The following CLIP4 variants were observed in gnomAD, a reference collection of about 807,000 sequenced individuals.
CLIP4 encodes the protein CAP-Gly domain containing linker protein family member 4.
In CLIP4, 47 loss-of-function variants were observed where a neutral mutation model predicts 73.1. The observed-to-expected ratio is 0.64, with a 90% confidence interval of 0.51 to 0.82. The LOEUF (loss-of-function observed/expected upper bound fraction) is 0.82, where lower values mean the gene tolerates loss of function less well. CLIP4 is among the 40% of genes least tolerant of loss of function. The pLI is 0.00. For missense variants in CLIP4, 874 were observed against 852.9 expected, an observed-to-expected ratio of 1.02 and a Z score of -0.31; for synonymous variants, 306 against 295.4, an observed-to-expected ratio of 1.04 and a Z score of -0.37.
chr2:29,114,689 T>C (rs1558508815), upstream of CLIP4, among the ~76,000 whole-genome samples: 1 of 152,202 alleles, frequency 6.6e-6, no homozygotes, highest in African/African-American at 2.4e-5. Context: ...GCAGAGACAC[T>C]GACAGACGTT....
upstream of CLIP4, among the ~76,000 whole-genome samples, chr2:29,110,578 TA>T (rs1236512913): frequency 6.6e-6 from 1 of 152,226 alleles, no homozygotes; most frequent in African/African-American, 2.4e-5. Context: ...CTATTTGTGA[TA>T]TGTAATGTAT....
At chr2:29,144,139 ACTT>A (rs1471667135) in intron 7 of CLIP4, among the ~76,000 whole-genome samples, 194 bp downstream of exon 7, 1 of 152,244 alleles carries the variant, frequency 6.6e-6, no homozygotes, top group Non-Finnish European at 1.5e-5. Flanking sequence ...AACTACTTGA[ACTT>A]AATAAAGAAG....
At chr2:29,167,763 C>T (rs1667722964) in intron 14 of CLIP4, 2 of 377,858 alleles carry the variant, frequency 5.3e-6, no homozygotes, top group Non-Finnish European at 9.4e-6. Flanking sequence ...CTGCCTTGCT[C>T]TTCATATACC....
intron 4 of CLIP4, among the ~76,000 whole-genome samples, chr2:29,132,820 A>G (rs1475626648): frequency 2.6e-5 from 4 of 152,214 alleles, no homozygotes; most frequent in African/African-American, 9.7e-5. Context: ...ATACTTTCAC[A>G]AAATAAAATA....
chr2:29,158,353 A>T (rs1442021722), intron 11 of CLIP4, among the ~76,000 whole-genome samples: 3 of 137,286 alleles, frequency 2.2e-5, no homozygotes, highest in African/African-American at 7.8e-5. Flanking sequence ...TAAAATTTAT[A>T]CATGGGTATG....
intron 4 of CLIP4, 138 bp from the exon 5 acceptor site, chr2:29,133,517 A>G (rs1050656117): frequency 3.2e-5 from 21 of 662,976 alleles, no homozygotes; most frequent in East Asian, 2.6e-4. Context: ...CTTAGGATCA[A>G]TTCTTGCAAG....
At chr2:29,171,687 A>G (rs1334883567) in intron 14 of CLIP4, among the ~76,000 whole-genome samples, 2 of 151,484 alleles carry the variant, frequency 1.3e-5, no homozygotes, top group African/African-American at 4.9e-5. Flanking sequence ...CCCGGCTAAT[A>G]TTTTGTATTT....
rs1558531281 is a variant in CLIP4 at position 29,133,831 on chromosome 2, A to G, written c.529+15A>G. 6.3e-7 allele frequency: 1 copy of G among 1,586,964 alleles called. No homozygotes were observed. On this transcript the variant is annotated intron_variant, in intron 5 of 15. Coordinates refer to ENST00000320081, the MANE Select transcript of CLIP4 (RefSeq NM_024692.6). ...GAAACCAAAAGGCAAGTATTATAAGATCACCTTTAGATATTATTAACTGAA... is the reference window on the plus strand; with the variant it reads ...GAAACCAAAAGGCAAGTATTATAAGGTCACCTTTAGATATTATTAACTGAA...
Position 29,181,986 on chromosome 2 carries a change from T to G in CLIP4, c.*93T>G, listed in dbSNP as rs565785947. 2.6e-5 allele frequency: 29 copies of G among 1,116,050 alleles called. No homozygotes were observed. In the African/African-American group the frequency reaches 4.3e-4, roughly 16 times the overall value. The allele number at this position is 1,116,050 out of a possible 1,614,324, so 69.1% of individuals were successfully genotyped here. A position where few individuals can be genotyped will look rare whatever the true frequency, so the allele number is the denominator to read the frequency against. ...TTTACTTTATTTAGCCATATTAAAA[T>G]TTTGAAAATATAGTTATCTTCTTAA... On this transcript the variant is annotated 3_prime_UTR_variant, in exon 16 of 16. Transcript: ENST00000320081.
chr2:29,108,601 C>T (rs1668300566), intron 1 of CLIP4, among the ~76,000 whole-genome samples: 1 of 152,168 alleles, frequency 6.6e-6, no homozygotes, highest in Non-Finnish European at 1.5e-5. Flanking sequence ...GACTACCGTA[C>T]CCACCATTCA....
chr2:29,102,021 A>G (rs1462803736), intron 1 of CLIP4, among the ~76,000 whole-genome samples: 3 of 152,184 alleles, frequency 2.0e-5, no homozygotes, highest in Non-Finnish European at 4.4e-5. Context: ...TGGACCCTAC[A>G]GGGAAATTGC....
upstream of CLIP4, among the ~76,000 whole-genome samples, chr2:29,113,097 T>C (rs1276102204): frequency 6.6e-6 from 1 of 152,222 alleles, no homozygotes; most frequent in African/African-American, 2.4e-5. This position sits in a 1 kb window ranked among gnomAD's most constrained non-coding sequence, Gnocchi z 4.0. Context: ...GGTTTGAATC[T>C]TATTTCTGCC....
intron 2 of CLIP4, among the ~76,000 whole-genome samples, chr2:29,126,113 G>A (rs188224955): frequency 7.2e-5 from 11 of 152,316 alleles, no homozygotes; most frequent in Non-Finnish European, 1.3e-4. Context: ...GGAGGCAGAG[G>A]TTGCAGTGAG....
intron 2 of CLIP4, among the ~76,000 whole-genome samples, chr2:29,123,288 A>G (rs1382965553): frequency 6.6e-6 from 1 of 152,180 alleles, no homozygotes; most frequent in Non-Finnish European, 1.5e-5. Context: ...TCTCCCCTTG[A>G]AAAGCGGCAT....
At chr2:29,173,924 AAAT>A (rs1477448450) in intron 14 of CLIP4, among the ~76,000 whole-genome samples, 4 of 152,204 alleles carry the variant, frequency 2.6e-5, no homozygotes, top group African/African-American at 9.6e-5. Context: ...TTGACAGTAA[AAAT>A]AATCAGCTTT....
At chr2:29,177,380 T>C (rs1668403877) in intron 15 of CLIP4, among the ~76,000 whole-genome samples, 2 of 141,732 alleles carry the variant, frequency 1.4e-5, no homozygotes, top group South Asian at 2.3e-4. Context: ...CTGCACTCTA[T>C]CCTGGCAACA....
intron 11 of CLIP4, among the ~76,000 whole-genome samples, chr2:29,158,329 C>T (rs1667068769): frequency 6.6e-6 from 1 of 151,502 alleles, no homozygotes; most frequent in African/African-American, 2.4e-5. Context: ...GCACTTTTGA[C>T]ATTTACTTGA....
Position 29,157,363 on chromosome 2 carries a change from T to C in CLIP4, c.1399+16T>C. ...GCCAGTGCTGGTATCTATGGCTTTTTCAACCAGGCTTTCTTGGTGTTTTTT... is the reference window on the plus strand; with the variant it reads ...GCCAGTGCTGGTATCTATGGCTTTTCCAACCAGGCTTTCTTGGTGTTTTTT... On this transcript the variant is annotated intron_variant, in intron 11 of 15. Transcript: ENST00000320081. 2 of 1,613,998 alleles carry C rather than the reference T, an allele frequency of 1.2e-6. No individual in the cohort carries two copies. The highest frequency in any genetic ancestry group is 2.2e-5 in the South Asian group (2 of 91,076).
In CLIP4 at chr2:29,174,020, A is replaced by G. The variant is rs72863719; in HGVS notation, c.1724-353A>G. Among the ~76,000 whole-genome samples the G allele has an allele frequency of 7.3e-3, 1,109 of 152,312 alleles. 21 individuals carry two copies. Among genetic ancestry groups the G allele is most frequent in the African/African-American group, 0.026 (1,072 of 41,558 alleles). On this transcript the variant is annotated intron_variant, in intron 14 of 15. Transcript: ENST00000320081. The stretch of plus-strand genomic sequence containing the variant: ...AAAAGTAATGTCATGCTCTTCACTT[A>G]TTCATCTATGTGTATAGTTTGATCA...
Sources: gnomAD v4.1 joint callset for allele counts (sites outside exome capture counted in the v4.1 genomes callset) on GRCh38, gnomAD v4.1.1 for gene constraint, Gnocchi (gnomAD v3.1) non-coding constraint, MANE v1.5 for transcripts, NCBI Gene and HGNC (gene_info 2026-07-23, HGNC 2026-07-21) for gene names.